PRDM4: variants seen among roughly 807,000 people sequenced by gnomAD.
PRDM4 encodes PR domain zinc finger protein 4.
A neutral mutation model predicts 62.3 loss-of-function variants in PRDM4; 38 were observed. The observed-to-expected ratio is 0.61, with a 90% CI of 0.47 to 0.80. The LOEUF (loss-of-function observed/expected upper bound fraction) is 0.80, where lower values mean the gene tolerates loss of function less well. PRDM4 is among the 30% of genes least tolerant of loss of function. PRDM4 has a pLI of 0.00. For missense variants in PRDM4, 858 were observed against 997.1 expected, an observed-to-expected ratio of 0.86 and a Z score of 1.88; for synonymous variants, 339 against 348.2, an observed-to-expected ratio of 0.97 and a Z score of 0.30.
At chr12:107,739,291 A>G in intron 11 of PRDM4, 92 bp downstream of exon 11, 1 of 1,419,984 alleles carries the variant, frequency 7.0e-7, no homozygotes. Flanking sequence ...CAGATGAGCC[A>G]GGACTCCCCA....
rs544172928 is a variant in PRDM4 at position 107,760,646 on chromosome 12, G to A, written c.-131C>T. The A allele has an allele frequency of 5.9e-6, 7 of 1,177,058 alleles. No homozygotes were observed. In the East Asian group the frequency reaches 1.4e-4, roughly 23 times the overall value. The allele number at this position is 1,177,058 out of a possible 1,614,324, so 72.9% of individuals were successfully genotyped here. ...TGCACCGACGCGGCCACTCGTCCCC[G>A]GGGTCGCCCGGGGCCGCCCAACTTC... is the stretch of plus-strand genomic sequence containing the variant. On this transcript the variant is annotated 5_prime_UTR_variant, in exon 2 of 12. Coordinates refer to ENST00000228437, the MANE Select transcript of PRDM4 (RefSeq NM_012406.4).
At chr12:107,735,079 C>CA (rs1890285512) in intron 11 of PRDM4, among the ~76,000 whole-genome samples, 1 of 152,128 alleles carries the variant, frequency 6.6e-6, no homozygotes, top group South Asian at 2.1e-4. Context: ...TCATGCACTA[C>CA]AGCCTTGAAC....
intron 2 of PRDM4, among the ~76,000 whole-genome samples, chr12:107,760,206 C>T (rs1184366602): frequency 1.3e-5 from 2 of 152,148 alleles, no homozygotes; most frequent in African/African-American, 4.8e-5. Context: ...AATAAGATAA[C>T]AATACACGTT....
intron 5 of PRDM4, 109 bp downstream of exon 5, chr12:107,751,306 T>G: frequency 8.9e-7 from 1 of 1,129,496 alleles, no homozygotes; most frequent in Non-Finnish European, 1.2e-6. Flanking sequence ...AGTTCCAAGG[T>G]CTAGTTGCTT....
intron 6 of PRDM4, among the ~76,000 whole-genome samples, chr12:107,745,575 G>C (rs1040394612): frequency 1.3e-5 from 2 of 152,060 alleles, no homozygotes; most frequent in African/African-American, 4.8e-5. Context: ...GTGAGACCCA[G>C]TCTCTTAAAA....
At chr12:107,745,735 C>T (rs1593168060) in intron 6 of PRDM4, among the ~76,000 whole-genome samples, 1 of 152,298 alleles carries the variant, frequency 6.6e-6, no homozygotes. Context: ...ATGACTCACA[C>T]CCAAACTGCA....
intron 4 of PRDM4, among the ~76,000 whole-genome samples, chr12:107,753,439 A>C (rs1036140027): frequency 6.6e-6 from 1 of 152,068 alleles, no homozygotes; most frequent in Non-Finnish European, 1.5e-5. Context: ...AATTATGAAA[A>C]TTGGTAAAAA....
chr12:107,735,452 T>G (rs982781108), intron 11 of PRDM4, among the ~76,000 whole-genome samples: 5 of 152,176 alleles, frequency 3.3e-5, no homozygotes, highest in Non-Finnish European at 4.4e-5. Flanking sequence ...GCCACTTTTA[T>G]GGAATTACCA....
intron 3 of PRDM4, chr12:107,754,876 GTTTA>G: frequency 6.6e-6 from 1 of 152,246 alleles, no homozygotes; most frequent in East Asian, 1.9e-4. Context: ...AAACAACGTA[GTTTA>G]GTTAGATGTA....
intron 3 of PRDM4, among the ~76,000 whole-genome samples, chr12:107,755,373 T>C (rs1481278787): frequency 2.0e-5 from 3 of 152,136 alleles, no homozygotes; most frequent in Non-Finnish European, 2.9e-5. Context: ...GCTGGGATTA[T>C]AGGCGTGAGC....
chr12:107,751,713 C>G lies in PRDM4; in HGVS notation c.828G>C (p.Arg276=), dbSNP rs1272586456. Residue 276 remains arginine, a synonymous_variant, in exon 5 of 12, where the codon CGG becomes CGC. Transcript: ENST00000228437. The part of the protein sequence containing the change: ...VVMETDHIAS[R]VNGMSDSALS... Reference sequence around the variant, plus strand: ...GGGCACTGTCAGACATGCCATTGACCCGACTTGCAATGTGGTCTGTCTCCA... The same window carrying G: ...GGGCACTGTCAGACATGCCATTGACGCGACTTGCAATGTGGTCTGTCTCCA... 6.2e-7 allele frequency: 1 copy of G among 1,614,156 alleles called. No individual in the cohort carries two copies. The highest frequency in any genetic ancestry group is 8.5e-7 in the Non-Finnish European group (1 of 1,180,024).
intron 5 of PRDM4, among the ~76,000 whole-genome samples, chr12:107,749,939 AC>A (rs1165410732): frequency 6.6e-6 from 1 of 152,096 alleles, no homozygotes; most frequent in African/African-American, 2.4e-5. Context: ...GGTTCTAGGC[AC>A]TTACAGGTGC....
intron 2 of PRDM4, among the ~76,000 whole-genome samples, chr12:107,757,542 T>TATGTAAGCATTATTTA (rs1891101204): frequency 6.6e-6 from 1 of 152,194 alleles, no homozygotes; most frequent in Non-Finnish European, 1.5e-5. Context: ...TATGTAAGCT[T>TATGTAAGCATTATTTA]TGCTACCACT....
intron 11 of PRDM4, among the ~76,000 whole-genome samples, chr12:107,734,946 T>C (rs1890280700): frequency 6.6e-6 from 1 of 152,204 alleles, no homozygotes; most frequent in Admixed American, 6.5e-5. Context: ...AGTTTTTTAT[T>C]ATCACAAGCA....
intron 3 of PRDM4, 83 bp downstream of exon 3, chr12:107,756,749 G>A: frequency 6.7e-7 from 1 of 1,500,762 alleles, no homozygotes; most frequent in Non-Finnish European, 9.1e-7. Flanking sequence ...ACCCTTAAAG[G>A]GGCTCTGATC....
intron 2 of PRDM4, among the ~76,000 whole-genome samples, chr12:107,757,839 G>T (rs1022822952): frequency 6.6e-6 from 1 of 152,070 alleles, no homozygotes; most frequent in East Asian, 1.9e-4. Context: ...AATGTCTTTC[G>T]AATAAGAGTA....
chr12:107,740,295 T>C (rs1272885767), intron 10 of PRDM4, among the ~76,000 whole-genome samples: 2 of 152,138 alleles, frequency 1.3e-5, no homozygotes, highest in African/African-American at 4.8e-5. Context: ...AAGACCAGCC[T>C]TGGCAACATG....
chr12:107,756,126 G>A (rs530815966), intron 3 of PRDM4, among the ~76,000 whole-genome samples: 4 of 151,718 alleles, frequency 2.6e-5, no homozygotes, highest in African/African-American at 7.3e-5. Context: ...CAGGTGTAGG[G>A]GTGCATGCCT....
rs1387127421 is a variant in PRDM4, at chr12:107,751,881, G to A, written c.660C>T (p.Gly220=). The A allele has an allele frequency of 6.2e-7, 1 of 1,614,084 alleles. No homozygotes were observed. Among genetic ancestry groups the A allele is most frequent in the Non-Finnish European group, 8.5e-7 (1 of 1,180,048 alleles). Residue 220 remains glycine (G), a synonymous_variant, in exon 5 of 12, where the codon GGC becomes GGT. Coordinates refer to ENST00000228437, the MANE Select transcript of PRDM4 (RefSeq NM_012406.4). Reference sequence around the variant, plus strand: ...AGCCATTTGGGATTTGGGAATGCTCGCCTGCAACACCGTCCATCGTAAGCT... The same window carrying A: ...AGCCATTTGGGATTTGGGAATGCTCACCTGCAACACCGTCCATCGTAAGCT... ...AEELTMDGVA[G]EHSQIPNGSR...
Sources: gnomAD v4.1 joint callset for allele counts (sites outside exome capture counted in the v4.1 genomes callset) on GRCh38, gnomAD v4.1.1 for gene constraint, MANE v1.5 for transcripts, NCBI Gene and HGNC (gene_info 2026-07-23, HGNC 2026-07-21) for gene names.